Variants in EVC observed in about 807,000 individuals in gnomAD.
EVC encodes evC complex member EVC.
A neutral mutation model predicts 118.9 loss-of-function variants in EVC; 116 were observed. That is an observed-to-expected ratio of 0.98 (90% confidence interval 0.84 to 1.14). The LOEUF is 1.14. Ranked by LOEUF, EVC falls within the 50% of genes most tolerant of loss-of-function variation. The pLI is 0.00. For synonymous variants in EVC, 619 were observed against 534.7 expected (o/e 1.16, Z -2.18); for missense variants, 1,401 against 1,246.4 (o/e 1.12, Z -1.87).
At chr4:5,797,487 C>T (rs1334130831) in intron 14 of EVC, 8 of 575,064 alleles carry the variant, frequency 1.4e-5, no homozygotes, top group South Asian at 2.0e-5. Flanking sequence ...ATTCTGAGAC[C>T]GCACTCCCTG....
At chr4:5,733,221 C>G in intron 4 of EVC, 130 bp from the exon 5 acceptor site, 1 of 789,058 alleles carries the variant, frequency 1.3e-6, no homozygotes, top group South Asian at 1.3e-5. Flanking sequence ...GTAAGGACCT[C>G]AGCATGCTGC....
At position 5,743,410 on chromosome 4, in the gene EVC, C is replaced by G. The variant is rs1728902627; in HGVS notation, c.801+1596C>G. ...CTGCCATCATTTTCATTATCATCATCATTGTTATTGTCATCATTTTCATTA... is the reference window on the plus strand; with the variant it reads ...CTGCCATCATTTTCATTATCATCATGATTGTTATTGTCATCATTTTCATTA... On this transcript the variant is annotated intron_variant, in intron 6 of 20. Coordinates refer to ENST00000264956, the MANE Select transcript of EVC (RefSeq NM_153717.3). This position sits in a 1 kb window ranked among gnomAD's most constrained non-coding sequence, Gnocchi z 4.7. Among the ~76,000 whole-genome samples the G allele has an allele frequency of 6.6e-6, 1 of 152,172 alleles. No homozygotes were observed. Among genetic ancestry groups the G allele is most frequent in the East Asian group, 1.9e-4 (1 of 5,194 alleles).
chr4:5,806,083 CTCTT>C (rs1440014509), intron 17 of EVC, among the ~76,000 whole-genome samples: 1 of 147,010 alleles, frequency 6.8e-6, no homozygotes, highest in African/African-American at 2.6e-5. Flanking sequence ...TCCTTCCACT[CTCTT>C]TTTTTTTTTT....
At chr4:5,783,846 C>CAAGA in intron 12 of EVC, 82 bp downstream of exon 12, 1 of 1,293,324 alleles carries the variant, frequency 7.7e-7, no homozygotes, top group South Asian at 1.3e-5. Context: ...ACGTCCTGAA[C>CAAGA]ACCCACTAGT....
Position 5,763,695 on chromosome 4 carries a change from C to T in EVC, c.1563+7333C>T, listed in dbSNP as rs993766043. Among the ~76,000 whole-genome samples, 21 of 114,356 alleles carry T rather than the reference C, an allele frequency of 1.8e-4. 1 individual carries two copies. The highest frequency in any genetic ancestry group is 1.2e-3 in the East Asian group (5 of 4,208). 75.0% of individuals were successfully genotyped at this position (114,356 alleles called of 152,430 possible). On this transcript the variant is annotated intron_variant, in intron 11 of 20. Coordinates refer to ENST00000264956, the MANE Select transcript of EVC (RefSeq NM_153717.3). ...ATGGGAGTTCACTCATGATTTGGCT[C>T]TCTGTTTGTCTGTTGTTGGTGTATA...
At chr4:5,801,829 C>G (rs1401276973) in intron 15 of EVC, 121 bp from the exon 16 acceptor site, 2 of 1,110,268 alleles carry the variant, frequency 1.8e-6, no homozygotes, top group Non-Finnish European at 2.7e-6. Context: ...CCTGACCAAT[C>G]CAGGTTGGTG....
chr4:5,783,557 G>A lies in EVC; in HGVS notation c.1569G>A (p.Leu523=), dbSNP rs1272121808. The A allele has an allele frequency of 6.2e-7, 1 of 1,614,152 alleles. No individual in the cohort carries two copies. Among genetic ancestry groups the A allele is most frequent in the Non-Finnish European group, 8.5e-7 (1 of 1,180,012 alleles). The change falls in exon 12 of 21, where the codon CTG becomes CTA. Residue 523 remains leucine, a synonymous_variant. Transcript: ENST00000264956. ...TCTGTGGTTCTCCGCTCCAGGAGCTGTACTTCAGCACCGTGGACACTTTCC... is the reference window on the plus strand; with the variant it reads ...TCTGTGGTTCTCCGCTCCAGGAGCTATACTTCAGCACCGTGGACACTTTCC... ...TEAVVALCQE[L]YFSTVDTFQK...
Position 5,811,240 on chromosome 4 carries a change from G to A in EVC, c.*203G>A, listed in dbSNP as rs558224118. 2 of 565,536 alleles carry A rather than the reference G, an allele frequency of 3.5e-6. No individual in the cohort carries two copies. The highest frequency in any genetic ancestry group is 2.0e-5 in the South Asian group (1 of 50,116). 35.0% of individuals were successfully genotyped at this position (565,536 alleles called of 1,614,324 possible). On this transcript the variant is annotated 3_prime_UTR_variant, in exon 21 of 21. Coordinates refer to ENST00000264956, the MANE Select transcript of EVC (RefSeq NM_153717.3). ...TGAGAAAATTAGGCATTCCCGTCTT[G>A]GAAACACGTCTCTGTGAGTTTGCAT...
rs928089340 is a variant in EVC at position 5,738,070 on chromosome 4, G to A, written c.703-3646G>A. On this transcript the variant is annotated intron_variant, in intron 5 of 20. Transcript: ENST00000264956. The surrounding 1 kb of genome is among the most constrained non-coding windows in gnomAD (Gnocchi z 6.5). The stretch of plus-strand genomic sequence containing the variant: ...TCAACATTAACAAGAGTTTGGAAGA[G>A]GTTGATTTCAATCCTCATGAATGAC... 6.6e-6 allele frequency among the ~76,000 whole-genome samples: 1 copy of A among 152,178 alleles called. No individual in the cohort carries two copies. The highest frequency in any genetic ancestry group is 2.4e-5 in the African/African-American group (1 of 41,448).
downstream of EVC, among the ~76,000 whole-genome samples, chr4:5,817,373 G>C (rs1206478505): frequency 6.6e-6 from 1 of 152,176 alleles, no homozygotes; most frequent in Admixed American, 6.5e-5. Flanking sequence ...TGGATAGCCA[G>C]GCTGCCTAAG....
At chr4:5,723,674 T>A (rs1056435106) in intron 2 of EVC, among the ~76,000 whole-genome samples, 3 of 152,120 alleles carry the variant, frequency 2.0e-5, no homozygotes, top group Non-Finnish European at 2.9e-5. Flanking sequence ...TGAGCAAATG[T>A]GTCTCCCCTG....
rs1451267407 is a variant in EVC, at chr4:5,756,239, G to GACTCAGC, written c.1465-24_1465-18dup. The stretch of plus-strand genomic sequence containing the variant: ...AAAAAAACCCTGCATGTTTCTACCA[G>GACTCAGC]ACTCAGCTCTTGTTTTCCTCACAGG... On this transcript the variant is annotated intron_variant, in intron 10 of 20. Transcript: ENST00000264956. This position sits in a 1 kb window ranked among gnomAD's most constrained non-coding sequence, Gnocchi z 4.2. 3 of 1,546,660 alleles carry GACTCAGC rather than the reference G, an allele frequency of 1.9e-6. No individual in the cohort carries two copies. Among genetic ancestry groups the GACTCAGC allele is most frequent in the South Asian group, 2.3e-5 (2 of 87,100 alleles).
chr4:5,819,449 G>C, the EVC span, among the ~76,000 whole-genome samples: 1,494 of 152,306 alleles, frequency 9.8e-3, 23 homozygotes, highest in African/African-American at 0.034. Flanking sequence ...AAGAACTAAG[G>C]ATTATCTGAG....
At position 5,798,718 on chromosome 4, in the gene EVC, A is replaced by T. The variant is rs756605293; in HGVS notation, c.2230A>T (p.Ile744Phe). The T allele has an allele frequency of 1.2e-6, 2 of 1,610,756 alleles. No homozygotes were observed. The highest frequency in any genetic ancestry group is 1.7e-6 in the Non-Finnish European group (2 of 1,179,818). Residue 744 changes from isoleucine to phenylalanine, a missense_variant, in exon 15 of 21, where the codon ATT (isoleucine) becomes TTT (phenylalanine). By Grantham distance (21) the Ile-to-Phe change is conservative. Coordinates refer to ENST00000264956, the MANE Select transcript of EVC (RefSeq NM_153717.3). The surrounding 1 kb of genome is among the most constrained non-coding windows in gnomAD (Gnocchi z 4.1). ...QLLQQHMECA[I>F]GQALLVHARN... ...TCTGCAGCAGCACATGGAGTGCGCC[A>T]TTGGGCAGGCGCTGCTGGTGCATGC...
In EVC at chr4:5,798,799, A is replaced by G. The variant is rs1714452682; in HGVS notation, c.2304+7A>G. 1 of 1,609,888 alleles carries G rather than the reference A, an allele frequency of 6.2e-7. No homozygotes were observed. The highest frequency in any genetic ancestry group is 8.5e-7 in the Non-Finnish European group (1 of 1,179,588). ...GGACAGGGATGACTTCAAGGTATGC[A>G]CTGACCTCTGTCCCTGGGGACACCG... On this transcript the variant is annotated splice_region_variant and intron_variant, in intron 15 of 20. Coordinates refer to ENST00000264956, the MANE Select transcript of EVC (RefSeq NM_153717.3). The surrounding 1 kb of genome is among the most constrained non-coding windows in gnomAD (Gnocchi z 4.1).
downstream of EVC, among the ~76,000 whole-genome samples, chr4:5,815,190 G>A (rs771198037): frequency 5.3e-5 from 8 of 152,082 alleles, no homozygotes; most frequent in Non-Finnish European, 7.3e-5. Flanking sequence ...CAGTGAACCC[G>A]TGGCTAAGCC....
At chr4:5,783,411 C>G in intron 11 of EVC, 141 bp from the exon 12 acceptor site, 1 of 791,574 alleles carries the variant, frequency 1.3e-6, no homozygotes, top group East Asian at 2.6e-5. Context: ...TGCATGCTTG[C>G]ATACGTGTGA....
chr4:5,789,231 AAGTC>A lies in EVC; in HGVS notation c.1777-4374_1777-4371del, dbSNP rs547761308. ...TGGCTTCTCATTTCACACAGCATGAAAGTCAGAGTCCTCGCCACACTCTGCAAAG... is the reference window on the plus strand; with the variant it reads ...TGGCTTCTCATTTCACACAGCATGAAAGAGTCCTCGCCACACTCTGCAAAG... On this transcript the variant is annotated intron_variant, in intron 12 of 20. Coordinates refer to ENST00000264956, the MANE Select transcript of EVC (RefSeq NM_153717.3). This position sits in a 1 kb window ranked among gnomAD's most constrained non-coding sequence, Gnocchi z 4.3. 3.6e-4 allele frequency among the ~76,000 whole-genome samples: 55 copies of A among 152,262 alleles called. No individual in the cohort carries two copies. Among genetic ancestry groups the A allele is most frequent in the African/African-American group, 1.2e-3 (51 of 41,552 alleles).
chr4:5,824,429 C>T, the EVC span: 1 of 985,298 alleles, frequency 1.0e-6, no homozygotes, highest in South Asian at 4.7e-5. Flanking sequence ...GAATCAGACA[C>T]TTCCTGAATG....
Sources: allele counts gnomAD v4.1 joint callset (sites outside exome capture counted in the v4.1 genomes callset), GRCh38; gene constraint gnomAD v4.1.1; non-coding constraint Gnocchi (gnomAD v3.1); transcripts MANE v1.5; gene names NCBI Gene and HGNC (gene_info 2026-07-23, HGNC 2026-07-21).